The following CCSER1 variants were observed in gnomAD, a reference collection of about 807,000 sequenced individuals.
CCSER1 encodes the protein serine-rich coiled-coil domain-containing protein 1.
Under a neutral mutation model 82.0 loss-of-function variants are expected in CCSER1, and 41 were observed. The observed-to-expected ratio is 0.50, with a 90% CI of 0.39 to 0.65. The LOEUF is 0.65. Among genes scored for constraint, CCSER1 ranks in the 30% least tolerant of loss-of-function variants. The pLI, the probability that CCSER1 is intolerant of heterozygous loss-of-function variation, is 0.00. For missense variants in CCSER1, 1,119 were observed against 1,064.2 expected (o/e 1.05, Z -0.72); for synonymous variants, 414 against 383.9 (o/e 1.08, Z -0.92).
chr4:91,057,649 C>T (rs1375664115), intron 9 of CCSER1, among the ~76,000 whole-genome samples: 1 of 152,106 alleles, frequency 6.6e-6, no homozygotes, highest in Non-Finnish European at 1.5e-5. Flanking sequence ...GAGTTTTGCT[C>T]TAAGAACAAG....
At chr4:91,548,312 C>T (rs967391015) in intron 10 of CCSER1, among the ~76,000 whole-genome samples, 1 of 152,122 alleles carries the variant, frequency 6.6e-6, no homozygotes, top group African/African-American at 2.4e-5. Flanking sequence ...TGTATCATTG[C>T]TGCCATTCAT....
chr4:91,228,382 T>TA (rs1424226471), intron 10 of CCSER1, among the ~76,000 whole-genome samples: 22 of 152,090 alleles, frequency 1.4e-4, no homozygotes, highest in African/African-American at 5.1e-4. Flanking sequence ...ACATAAATAC[T>TA]AAAAAATTTA....
At chr4:90,800,958 G>C (rs1756725551) in intron 7 of CCSER1, among the ~76,000 whole-genome samples, 1 of 149,224 alleles carries the variant, frequency 6.7e-6, no homozygotes, top group Admixed American at 6.7e-5. Context: ...AGGTTGAAAT[G>C]CTCTGTTCTC....
chr4:90,810,469 G>A lies in CCSER1; in HGVS notation c.2011-5293G>A, dbSNP rs1758108311. On this transcript the variant is annotated intron_variant, in intron 7 of 10. Coordinates refer to ENST00000509176, the MANE Select transcript of CCSER1 (RefSeq NM_001145065.2). The stretch of plus-strand genomic sequence containing the variant: ...TTGAGGCCAGCCTGGCCAACATGGT[G>A]AAACCCCGTCTCTACTAAAAATACA... Among the ~76,000 whole-genome samples, 5 of 152,066 alleles carry A rather than the reference G, an allele frequency of 3.3e-5. No homozygotes were observed. The South Asian group carries it at 1.0e-3, about 32-fold the overall frequency.
intron 10 of CCSER1, among the ~76,000 whole-genome samples, chr4:91,233,828 A>G (rs75953681): frequency 0.057 from 8,651 of 151,886 alleles, 332 homozygotes; most frequent in African/African-American, 0.11. Flanking sequence ...TCCTTTATAG[A>G]TGTGACATTT....
At chr4:91,565,382 G>A (rs1196062521) in intron 10 of CCSER1, among the ~76,000 whole-genome samples, 1 of 151,882 alleles carries the variant, frequency 6.6e-6, no homozygotes, top group Non-Finnish European at 1.5e-5. Flanking sequence ...TGGCTGTTCA[G>A]GCTCTTTTAT....
chr4:91,584,059 A>C (rs941615141), intron 10 of CCSER1, among the ~76,000 whole-genome samples: 3 of 151,490 alleles, frequency 2.0e-5, no homozygotes, highest in African/African-American at 7.3e-5. Context: ...GTAAATTAAA[A>C]TTATTTTTAA....
intron 1 of CCSER1, among the ~76,000 whole-genome samples, chr4:90,164,947 G>A (rs1490837753): frequency 6.6e-6 from 1 of 152,074 alleles, no homozygotes; most frequent in African/African-American, 2.4e-5. Context: ...GGATAATGAG[G>A]AACAAAGGAG....
At position 90,497,144 on chromosome 4, in the gene CCSER1, A is replaced by G. The variant is rs140410652; in HGVS notation, c.1724+28790A>G. ...TAACATTACAAAGTTATATTTTATT[A>G]AACAACAAACTTTTAACAACAGTAC... On this transcript the variant is annotated intron_variant, in intron 5 of 10. Coordinates refer to ENST00000509176, the MANE Select transcript of CCSER1 (RefSeq NM_001145065.2). 2.9e-3 allele frequency among the ~76,000 whole-genome samples: 445 copies of G among 152,238 alleles called. 4 individuals carry two copies. The highest frequency in any genetic ancestry group is 4.3e-3 in the Non-Finnish European group (294 of 68,006).
chr4:90,957,506 T>A (rs1343018490), intron 9 of CCSER1, among the ~76,000 whole-genome samples: 1 of 123,646 alleles, frequency 8.1e-6, no homozygotes, highest in East Asian at 2.3e-4. Flanking sequence ...TATAATATTA[T>A]ATAATATAAC....
intron 10 of CCSER1, among the ~76,000 whole-genome samples, chr4:91,459,326 A>G (rs184630323): frequency 6.6e-6 from 1 of 152,208 alleles, no homozygotes. Flanking sequence ...GTGAGTGTGT[A>G]TGTGTTATGT....
At chr4:90,218,613 C>G (rs542487511) in intron 1 of CCSER1, among the ~76,000 whole-genome samples, 73 of 152,268 alleles carry the variant, frequency 4.8e-4, no homozygotes, top group South Asian at 1.2e-3. Context: ...CAAGTGATAA[C>G]TTTTCAGGGT....
intron 9 of CCSER1, among the ~76,000 whole-genome samples, chr4:91,050,069 T>G (rs1742860419): frequency 6.6e-6 from 1 of 152,204 alleles, no homozygotes; most frequent in African/African-American, 2.4e-5. Context: ...GTTAGAGTAT[T>G]TCATATATAC....
intron 6 of CCSER1, among the ~76,000 whole-genome samples, chr4:90,717,935 A>AG (rs1387458313): frequency 6.6e-6 from 1 of 151,982 alleles, no homozygotes; most frequent in African/African-American, 2.4e-5. Flanking sequence ...TTAAAGTCTA[A>AG]GAGCAGGGAA....
chr4:90,951,236 A>G (rs1732878919), intron 9 of CCSER1: 1 of 152,102 alleles, frequency 6.6e-6, no homozygotes, highest in Non-Finnish European at 1.5e-5. Context: ...AGAAAATGAC[A>G]GCATGCCCTT....
chr4:91,025,630 C>A (rs1251190730), intron 9 of CCSER1, among the ~76,000 whole-genome samples: 1 of 152,054 alleles, frequency 6.6e-6, no homozygotes, highest in African/African-American at 2.4e-5. Context: ...CTTCTCTAAT[C>A]AGTAAGAACT....
At chr4:90,254,556 C>T (rs1722933664) in intron 1 of CCSER1, among the ~76,000 whole-genome samples, 1 of 152,050 alleles carries the variant, frequency 6.6e-6, no homozygotes, top group South Asian at 2.1e-4. Flanking sequence ...ACTGTTCTTG[C>T]CTGCAGTGGA....
intron 9 of CCSER1, among the ~76,000 whole-genome samples, chr4:91,065,143 C>G (rs1251635129): frequency 1.3e-5 from 2 of 151,658 alleles, no homozygotes; most frequent in African/African-American, 4.8e-5. Context: ...AATACATGTC[C>G]AAAGGATTAA....
chr4:90,592,154 A>G (rs957951000), intron 5 of CCSER1, among the ~76,000 whole-genome samples: 4 of 152,178 alleles, frequency 2.6e-5, no homozygotes, highest in African/African-American at 7.2e-5. Flanking sequence ...TGGCTGCATA[A>G]AAAACCTGCA....
Sources: allele counts gnomAD v4.1 joint callset (sites outside exome capture counted in the v4.1 genomes callset), GRCh38; gene constraint gnomAD v4.1.1; transcripts MANE v1.5; gene names NCBI Gene and HGNC (gene_info 2026-07-23, HGNC 2026-07-21).